TOX: variants seen among roughly 807,000 people sequenced by gnomAD.
TOX encodes the protein thymocyte selection associated high mobility group box, also known as thymocyte selection-associated high mobility group box protein TOX.
Under a neutral mutation model 53.7 loss-of-function variants are expected in TOX, and 11 were observed. That is an observed-to-expected ratio of 0.20 (90% CI 0.13 to 0.34). TOX has a LOEUF of 0.34. Ranked by LOEUF, TOX falls within the 10% of genes least tolerant of loss-of-function variation. The pLI, the probability that TOX is intolerant of heterozygous loss-of-function variation, is 1.00. For synonymous variants in TOX, 225 were observed against 245.3 expected, an observed-to-expected ratio of 0.92 and a Z score of 0.77; for missense variants, 570 against 664.6, an observed-to-expected ratio of 0.86 and a Z score of 1.56.
intron 4 of TOX, among the ~76,000 whole-genome samples, chr8:58,842,477 A>C (rs931083819): frequency 4.6e-5 from 7 of 152,158 alleles, no homozygotes; most frequent in Non-Finnish European, 1.0e-4. Context: ...GTTCTTTATA[A>C]ATTACCCACT....
chr8:58,920,839 G>A (rs1243368318), intron 3 of TOX, among the ~76,000 whole-genome samples: 2 of 149,928 alleles, frequency 1.3e-5, no homozygotes, highest in East Asian at 3.9e-4. Context: ...TCATAGTTCT[G>A]GGAACAGAGG....
At chr8:59,021,482 A>G in intron 1 of TOX, among the ~76,000 whole-genome samples, 1 of 29,754 alleles carries the variant, frequency 3.4e-5, no homozygotes, top group East Asian at 7.9e-4. Flanking sequence ...AAAAAAAAAA[A>G]TATATATATA....
chr8:59,027,483 T>C (rs533699656), intron 1 of TOX, among the ~76,000 whole-genome samples: 5 of 152,230 alleles, frequency 3.3e-5, no homozygotes, highest in South Asian at 2.1e-4. Flanking sequence ...TGAAAGATGA[T>C]TTAAAACATG....
At chr8:58,835,304 C>T (rs1038220471) in intron 5 of TOX, among the ~76,000 whole-genome samples, 2 of 152,060 alleles carry the variant, frequency 1.3e-5, no homozygotes, top group African/African-American at 2.4e-5. Flanking sequence ...AAATATTTGC[C>T]ATCATATATA....
At position 58,842,440 on chromosome 8, in the gene TOX, C is replaced by G. The variant is rs144504375; in HGVS notation, c.694-4129G>C. Among the ~76,000 whole-genome samples the G allele has an allele frequency of 5.1e-3, 775 of 152,292 alleles. 6 individuals carry two copies. The highest frequency in any genetic ancestry group is 0.017 in the African/African-American group (723 of 41,552). On this transcript the variant is annotated intron_variant, in intron 4 of 8. Transcript: ENST00000361421. ...GGCTCTCGCCAAGGGCCTCTTGAGC[C>G]TCTAGAATTGTAAGAAATATATCTC... is the stretch of plus-strand genomic sequence containing the variant.
rs145038654 is a variant in TOX, at chr8:59,037,135, C to T, written c.103-77127G>A. Among the ~76,000 whole-genome samples the T allele has an allele frequency of 1.5e-3, 226 of 150,624 alleles. 1 individual carries two copies. Among genetic ancestry groups the T allele is most frequent in the African/African-American group, 5.0e-3 (206 of 40,948 alleles). On this transcript the variant is annotated intron_variant, in intron 1 of 8. Transcript: ENST00000361421. ...GCGTTTGTATTGAAAGGTTAAAACC[C>T]AACTATCAGAAGCTCCAATGTTTCC...
chr8:59,087,821 T>C (rs1804540136), intron 1 of TOX, among the ~76,000 whole-genome samples: 2 of 152,362 alleles, frequency 1.3e-5, no homozygotes, highest in South Asian at 4.1e-4. Context: ...TTTCAGAAGA[T>C]AATAAATAGC....
At chr8:58,902,643 T>C (rs1343943927) in intron 3 of TOX, among the ~76,000 whole-genome samples, 1 of 152,228 alleles carries the variant, frequency 6.6e-6, no homozygotes, top group African/African-American at 2.4e-5. Flanking sequence ...TAGTTGATCA[T>C]GTCATTTTGC....
intron 1 of TOX, among the ~76,000 whole-genome samples, chr8:59,050,783 T>C (rs1585987990): frequency 6.6e-6 from 1 of 152,296 alleles, no homozygotes; most frequent in East Asian, 1.9e-4. Context: ...AGAACTGAAT[T>C]GTTTTTGTTT....
At chr8:58,913,078 T>A (rs1329512910) in intron 3 of TOX, among the ~76,000 whole-genome samples, 1 of 152,252 alleles carries the variant, frequency 6.6e-6, no homozygotes, top group Admixed American at 6.5e-5. Flanking sequence ...TTCATTCATA[T>A]CCATTGAATG....
At chr8:59,072,647 A>G (rs1197362353) in intron 1 of TOX, among the ~76,000 whole-genome samples, 1 of 152,204 alleles carries the variant, frequency 6.6e-6, no homozygotes, top group Non-Finnish European at 1.5e-5. Context: ...TTTGTAGACC[A>G]TGATACTATC....
In TOX at chr8:59,062,627, C is replaced by T. The variant is rs554935941; in HGVS notation, c.102+56259G>A. 3.3e-5 allele frequency among the ~76,000 whole-genome samples: 5 copies of T among 152,246 alleles called. No homozygotes were observed. The South Asian group carries it at 6.2e-4, about 19-fold the overall frequency. On this transcript the variant is annotated intron_variant, in intron 1 of 8. Transcript: ENST00000361421. The stretch of plus-strand genomic sequence containing the variant: ...TTAGGGTCACTTTCCCACTTAACAA[C>T]GGGTGTCGTTCTATAGTTGTTCCCA...
chr8:58,922,565 A>T (rs780776285), intron 3 of TOX, among the ~76,000 whole-genome samples: 6 of 152,174 alleles, frequency 3.9e-5, no homozygotes, highest in Non-Finnish European at 5.9e-5. Context: ...CATATATATA[A>T]AAAACACCAG....
chr8:59,033,195 A>C (rs1814391896), intron 1 of TOX, among the ~76,000 whole-genome samples: 1 of 152,200 alleles, frequency 6.6e-6, no homozygotes, highest in Non-Finnish European at 1.5e-5. Context: ...TGACTCTCCC[A>C]TTGTGAGTTG....
At chr8:59,021,517 C>A (rs1814136166) in intron 1 of TOX, among the ~76,000 whole-genome samples, 1 of 112,166 alleles carries the variant, frequency 8.9e-6, no homozygotes, top group African/African-American at 3.2e-5. Flanking sequence ...TATACAATGT[C>A]AGATATATAT....
At chr8:58,973,136 C>T (rs1204252152) in intron 1 of TOX, among the ~76,000 whole-genome samples, 1 of 152,084 alleles carries the variant, frequency 6.6e-6, no homozygotes, top group Non-Finnish European at 1.5e-5. Context: ...CTAATAGGAC[C>T]TTCCTCAGAA....
intron 1 of TOX, among the ~76,000 whole-genome samples, chr8:59,047,209 T>TG (rs1383415947): frequency 5.1e-4 from 55 of 107,462 alleles, no homozygotes; most frequent in African/African-American, 2.1e-3. Context: ...AATTGTTTTT[T>TG]TTTTTTTTTT....
At chr8:58,875,143 G>A (rs1188733127) in intron 3 of TOX, among the ~76,000 whole-genome samples, 1 of 152,214 alleles carries the variant, frequency 6.6e-6, no homozygotes. Flanking sequence ...ATAAGTACAA[G>A]ACCTCTCTGG....
chr8:58,857,536 T>G (rs1585863465), intron 3 of TOX, among the ~76,000 whole-genome samples: 1 of 152,158 alleles, frequency 6.6e-6, no homozygotes, highest in East Asian at 1.9e-4. Context: ...TTTCAATTTT[T>G]CCAATTAATG....
Sources: gnomAD v4.1 joint callset for allele counts (sites outside exome capture counted in the v4.1 genomes callset) on GRCh38, gnomAD v4.1.1 for gene constraint, MANE v1.5 for transcripts, NCBI Gene and HGNC (gene_info 2026-07-23, HGNC 2026-07-21) for gene names.